PATJ: variants seen among roughly 807,000 people sequenced by gnomAD.
The protein encoded by PATJ is PATJ crumbs cell polarity complex component.
PATJ carries 190 observed loss-of-function variants against 224.9 expected under a neutral mutation model. The ratio of observed to expected loss-of-function variants is 0.84; its 90% CI spans 0.75 to 0.95. The LOEUF (loss-of-function observed/expected upper bound fraction) is 0.95, where lower values mean the gene tolerates loss of function less well. Among genes scored for constraint, PATJ ranks in the 40% least tolerant of loss-of-function variants. PATJ has a pLI of 0.00. For missense variants in PATJ, 2,121 were observed against 2,270.3 expected, an observed-to-expected ratio of 0.93 and a Z score of 1.34; for synonymous variants, 769 against 820.3, an observed-to-expected ratio of 0.94 and a Z score of 1.07.
chr1:61,748,522 C>T (rs11587810), intron 1 of PATJ, among the ~76,000 whole-genome samples: 13,663 of 152,002 alleles, frequency 0.09, 763 homozygotes, highest in Non-Finnish European at 0.12. Flanking sequence ...TCCCAAAGTG[C>T]TGTGATTACA....
intron 20 of PATJ, among the ~76,000 whole-genome samples, chr1:61,873,023 T>A (rs1171108406): frequency 6.6e-6 from 1 of 152,116 alleles, no homozygotes; most frequent in African/African-American, 2.4e-5. Flanking sequence ...AAGTAGACCA[T>A]TTTCAAAACA....
At chr1:61,869,210 C>T (rs1206620069) in intron 20 of PATJ, among the ~76,000 whole-genome samples, 2 of 147,016 alleles carry the variant, frequency 1.4e-5, no homozygotes, top group Non-Finnish European at 3.0e-5. Context: ...GGGTTCACGC[C>T]ATTCTCCTGC....
At chr1:61,877,897 A>T (rs1222515487) in intron 21 of PATJ, among the ~76,000 whole-genome samples, 1 of 152,108 alleles carries the variant, frequency 6.6e-6, no homozygotes, top group Non-Finnish European at 1.5e-5. Context: ...GCCCTACAGG[A>T]CTCAATCTTT....
At chr1:61,745,399 G>A (rs2148129440) in intron 1 of PATJ, among the ~76,000 whole-genome samples, 1 of 151,674 alleles carries the variant, frequency 6.6e-6, no homozygotes, top group Middle Eastern at 3.4e-3. Context: ...TCAGACTCCT[G>A]AGTAGCTGGG....
Position 62,144,769 on chromosome 1 carries a change from A to ATATATATATATATAT in PATJ, c.5272-3515_5272-3514insTATATATATATATAT, listed in dbSNP as rs1180544696. On this transcript the variant is annotated intron_variant, in intron 41 of 43. Transcript: ENST00000642238. Reference sequence around the variant, plus strand: ...AAATGCTCTAGAATGTTATTTGCAAAAAAAAAAAATATATATATATATATA... The same window carrying ATATATATATATATAT: ...AAATGCTCTAGAATGTTATTTGCAAATATATATATATATATAAAAAAAAATATATATATATATATA... 6.3e-4 allele frequency among the ~76,000 whole-genome samples: 37 copies of ATATATATATATATAT among 58,708 alleles called. 1 individual carries two copies. Among genetic ancestry groups the ATATATATATATATAT allele is most frequent in the African/African-American group, 2.4e-3 (36 of 15,290 alleles). 38.5% of individuals were successfully genotyped at this position (58,708 alleles called of 152,430 possible).
In PATJ at chr1:61,877,190, G is replaced by T. The variant is rs543516195; in HGVS notation, c.2959+1824G>T. Among the ~76,000 whole-genome samples, 3 of 151,754 alleles carry T rather than the reference G, an allele frequency of 2.0e-5. No homozygotes were observed. The South Asian group carries it at 6.3e-4, about 32-fold the overall frequency. On this transcript the variant is annotated intron_variant, in intron 21 of 43. Coordinates refer to ENST00000642238, the MANE Select transcript of PATJ (RefSeq NM_001350145.3). ...TTATATTCACATAGTAGGTGCTCAA[G>T]AAATATTTACTGAATGAGGAAATGA...
chr1:62,161,891 A>T lies in PATJ; in HGVS notation c.*837A>T, dbSNP rs1669866841. Reference sequence around the variant, plus strand: ...AATTAATTTACCAGTGATCCCCAAGATGAAATACCAGATTCTCCTATGGGA... The same window carrying T: ...AATTAATTTACCAGTGATCCCCAAGTTGAAATACCAGATTCTCCTATGGGA... On this transcript the variant is annotated 3_prime_UTR_variant, in exon 44 of 44. Coordinates refer to ENST00000642238, the MANE Select transcript of PATJ (RefSeq NM_001350145.3). The T allele has an allele frequency of 1.3e-5, 2 of 152,220 alleles. No individual in the cohort carries two copies. Among genetic ancestry groups the T allele is most frequent in the Non-Finnish European group, 2.9e-5 (2 of 68,044 alleles). The allele number at this position is 152,220 out of a possible 1,614,324, so 9.4% of individuals were successfully genotyped here. A position where few individuals can be genotyped will look rare whatever the true frequency, so the allele number is the denominator to read the frequency against.
intron 29 of PATJ, among the ~76,000 whole-genome samples, chr1:62,028,748 C>A (rs1648549306): frequency 6.6e-6 from 1 of 151,914 alleles, no homozygotes; most frequent in African/African-American, 2.4e-5. Context: ...ATGTCACCCA[C>A]ACTGCTACCT....
chr1:61,790,070 A>T (rs955999007), intron 8 of PATJ, among the ~76,000 whole-genome samples: 1 of 151,702 alleles, frequency 6.6e-6, no homozygotes, highest in Non-Finnish European at 1.5e-5. Context: ...CAGATGCAGT[A>T]GCTTACGCCT....
chr1:62,049,243 T>TCTCA (rs377535089), intron 30 of PATJ, among the ~76,000 whole-genome samples: 123 of 137,278 alleles, frequency 9.0e-4, no homozygotes, highest in African/African-American at 3.3e-3. Context: ...AAGTAAGCAA[T>TCTCA]CACACACACA....
chr1:62,128,185 TC>T (rs1479986045), intron 40 of PATJ, 91 bp downstream of exon 40: 14 of 1,499,692 alleles, frequency 9.3e-6, no homozygotes, highest in South Asian at 1.2e-5. Context: ...AAGTTGGAAT[TC>T]CAGTAGCCAT....
intron 27 of PATJ, among the ~76,000 whole-genome samples, chr1:61,954,838 TCTC>T (rs1421055543): frequency 1.3e-5 from 2 of 151,390 alleles, no homozygotes; most frequent in African/African-American, 2.4e-5. Context: ...ACTGCAAACT[TCTC>T]CTCCCGGGTT....
At chr1:61,859,551 CTCTCTCTCTCCCCT>C (rs1309812617) in intron 18 of PATJ, among the ~76,000 whole-genome samples, 1 of 151,764 alleles carries the variant, frequency 6.6e-6, no homozygotes, top group Non-Finnish European at 1.5e-5. Flanking sequence ...CTCTCTCTCC[CTCTCTCTCTCCCCT>C]TCTCTCTCTC....
Position 61,870,926 on chromosome 1 carries a change from G to C in PATJ, c.2836-4317G>C, listed in dbSNP as rs115616451. Among the ~76,000 whole-genome samples the C allele has an allele frequency of 7.2e-3, 1,096 of 152,166 alleles. 10 individuals are homozygous for C. The highest frequency in any genetic ancestry group is 0.025 in the African/African-American group (1,046 of 41,520). On this transcript the variant is annotated intron_variant, in intron 20 of 43. Transcript: ENST00000642238. Reference sequence around the variant, plus strand: ...TTTGTTTGCTTCTTAGGAGTATAAAGTGCTATCTTATGTTTTGTTTTGCAT... The same window carrying C: ...TTTGTTTGCTTCTTAGGAGTATAAACTGCTATCTTATGTTTTGTTTTGCAT...
intron 12 of PATJ, among the ~76,000 whole-genome samples, chr1:61,804,254 T>C (rs905007377): frequency 6.6e-6 from 1 of 152,142 alleles, no homozygotes; most frequent in Non-Finnish European, 1.5e-5. Flanking sequence ...GAATTTGATT[T>C]TTTGTTTTTA....
At position 61,855,958 on chromosome 1, in the gene PATJ, C is replaced by A. The variant is rs897396718; in HGVS notation, c.2113-72C>A. The A allele has an allele frequency of 7.3e-6, 8 of 1,094,486 alleles. No individual in the cohort carries two copies. The African/African-American group carries it at 7.7e-5, about 11-fold the overall frequency. 67.8% of individuals were successfully genotyped at this position (1,094,486 alleles called of 1,614,324 possible). On this transcript the variant is annotated intron_variant, in intron 17 of 43. Transcript: ENST00000642238. ...TGGTCAAATAAGATTCATCAGTCAA[C>A]TCAAGCTGTCCTAAGGCTGCATATT... is the stretch of plus-strand genomic sequence containing the variant.
At chr1:61,908,826 G>C (rs1398441416) in intron 25 of PATJ, among the ~76,000 whole-genome samples, 1 of 152,154 alleles carries the variant, frequency 6.6e-6, no homozygotes, top group Non-Finnish European at 1.5e-5. Flanking sequence ...TGAACAGAGG[G>C]TCAGGTGTAA....
chr1:61,943,360 A>G (rs188265409), intron 27 of PATJ, among the ~76,000 whole-genome samples: 1 of 152,298 alleles, frequency 6.6e-6, no homozygotes, highest in East Asian at 1.9e-4. Flanking sequence ...AAGCTGTGAC[A>G]GAGGGTACCT....
chr1:61,960,889 T>G (rs1011885394), intron 27 of PATJ, among the ~76,000 whole-genome samples: 35 of 152,178 alleles, frequency 2.3e-4, no homozygotes, highest in Admixed American at 2.2e-3. Context: ...CAGTTATATC[T>G]TCTTGAAAGG....
Sources: gnomAD v4.1 joint callset for allele counts (sites outside exome capture counted in the v4.1 genomes callset) on GRCh38, gnomAD v4.1.1 for gene constraint, MANE v1.5 for transcripts, NCBI Gene and HGNC (gene_info 2026-07-23, HGNC 2026-07-21) for gene names.